CSMD2: variants seen among roughly 807,000 people sequenced by gnomAD.
CSMD2 encodes the protein CUB and sushi domain-containing protein 2.
In CSMD2, 130 loss-of-function variants were observed where a neutral mutation model predicts 398.5. The observed-to-expected ratio is 0.33, with a 90% CI of 0.28 to 0.38. The LOEUF (loss-of-function observed/expected upper bound fraction) is 0.38, where lower values mean the gene tolerates loss of function less well. Among genes scored for constraint, CSMD2 ranks in the 10% least tolerant of loss-of-function variants. The pLI is 1.00. For missense variants in CSMD2, 3,829 were observed against 4,764.9 expected (o/e 0.80, Z 5.78); for synonymous variants, 1,828 against 1,908.5 (o/e 0.96, Z 1.10).
At chr1:33,611,827 A>T (rs570224883) in intron 40 of CSMD2, among the ~76,000 whole-genome samples, 34 of 152,368 alleles carry the variant, frequency 2.2e-4, no homozygotes, top group African/African-American at 8.2e-4. Context: ...TTAAGTTCTT[A>T]ATGTACATAG....
chr1:33,832,271 T>C (rs1341173239), intron 6 of CSMD2, among the ~76,000 whole-genome samples: 1 of 151,994 alleles, frequency 6.6e-6, no homozygotes, highest in Non-Finnish European at 1.5e-5. Context: ...AGTAAAGCAC[T>C]CCTCAGCAAA....
At chr1:34,095,854 C>T (rs1029236669) in intron 1 of CSMD2, among the ~76,000 whole-genome samples, 1 of 151,732 alleles carries the variant, frequency 6.6e-6, no homozygotes, top group Non-Finnish European at 1.5e-5. Context: ...GGTACCATTC[C>T]TTCTGAAACT....
At chr1:34,023,270 C>T (rs1006755024) in intron 3 of CSMD2, among the ~76,000 whole-genome samples, 4 of 152,194 alleles carry the variant, frequency 2.6e-5, no homozygotes, top group Non-Finnish European at 4.4e-5. Flanking sequence ...CCCAAGAGGA[C>T]GGTTCTGAAG....
chr1:34,058,064 T>C (rs1654058422), intron 2 of CSMD2, among the ~76,000 whole-genome samples: 1 of 152,122 alleles, frequency 6.6e-6, no homozygotes, highest in South Asian at 2.1e-4. Context: ...CATAGTCACC[T>C]AGTTGGGACA....
At chr1:33,615,744 GA>G (rs1230814027) in intron 39 of CSMD2, among the ~76,000 whole-genome samples, 5 of 152,220 alleles carry the variant, frequency 3.3e-5, no homozygotes, top group Non-Finnish European at 5.9e-5. Flanking sequence ...TCTAATGGGG[GA>G]AAGTGCCTTG....
intron 57 of CSMD2, among the ~76,000 whole-genome samples, chr1:33,544,486 T>C (rs566129782): frequency 3.9e-4 from 59 of 152,246 alleles, no homozygotes; most frequent in Non-Finnish European, 7.1e-4. Context: ...GTCTAGTTTC[T>C]TTTAATGGAG....
intron 5 of CSMD2, among the ~76,000 whole-genome samples, chr1:33,896,844 A>C (rs1407768249): frequency 1.3e-5 from 2 of 152,066 alleles, no homozygotes; most frequent in Non-Finnish European, 2.9e-5. Context: ...AGATGTGTGG[A>C]TATCTCAGGG....
At chr1:34,149,684 G>A (rs953912700) in intron 1 of CSMD2, among the ~76,000 whole-genome samples, 4 of 152,170 alleles carry the variant, frequency 2.6e-5, no homozygotes, top group African/African-American at 9.7e-5. Flanking sequence ...GTGCCTTTGG[G>A]GCTGGTGCCT....
At chr1:33,955,750 CCAT>C (rs938022108) in intron 3 of CSMD2, among the ~76,000 whole-genome samples, 1 of 105,494 alleles carries the variant, frequency 9.5e-6, no homozygotes, top group Non-Finnish European at 2.2e-5. Context: ...ACCACCATCA[CCAT>C]CATCATCATC....
intron 2 of CSMD2, among the ~76,000 whole-genome samples, chr1:34,047,122 TA>T (rs1346744665): frequency 6.6e-6 from 1 of 152,132 alleles, no homozygotes; most frequent in Non-Finnish European, 1.5e-5. Context: ...CATAATGGTC[TA>T]AAGGCCCTAG....
chr1:33,737,337 G>A (rs1386432809), intron 15 of CSMD2, among the ~76,000 whole-genome samples: 1 of 152,238 alleles, frequency 6.6e-6, no homozygotes, highest in Non-Finnish European at 1.5e-5. Flanking sequence ...CACGGTTGGG[G>A]CAAGTTCCTG....
chr1:34,104,627 G>T (rs957714267), intron 1 of CSMD2, among the ~76,000 whole-genome samples: 2 of 152,162 alleles, frequency 1.3e-5, no homozygotes, highest in Non-Finnish European at 2.9e-5. Flanking sequence ...GCAGATGCTG[G>T]ATAAATCATC....
chr1:34,070,348 T>C (rs1655590336), intron 2 of CSMD2, among the ~76,000 whole-genome samples: 1 of 152,166 alleles, frequency 6.6e-6, no homozygotes, highest in Non-Finnish European at 1.5e-5. Context: ...ATGGGTCCTT[T>C]TTCTGGCTGA....
At chr1:33,659,837 G>C (rs1450858977) in intron 26 of CSMD2, among the ~76,000 whole-genome samples, 1 of 152,180 alleles carries the variant, frequency 6.6e-6, no homozygotes, top group Non-Finnish European at 1.5e-5. Context: ...TATGGCCCAC[G>C]GCCATATCTG....
At chr1:34,063,854 G>T (rs531170839) in intron 2 of CSMD2, among the ~76,000 whole-genome samples, 1 of 152,312 alleles carries the variant, frequency 6.6e-6, no homozygotes, top group Admixed American at 6.5e-5. Flanking sequence ...CTTTTGCCTG[G>T]GCATCCAGGC....
In CSMD2 at chr1:33,586,633, C is replaced by G; in HGVS notation, c.6938-16G>C. 6.6e-7 allele frequency: 1 copy of G among 1,519,884 alleles called. No homozygotes were observed. The highest frequency in any genetic ancestry group is 1.4e-5 in the African/African-American group (1 of 73,112). The allele number at this position is 1,519,884 out of a possible 1,614,324, so 94.1% of individuals were successfully genotyped here. On this transcript the variant is annotated splice_polypyrimidine_tract_variant and intron_variant, in intron 45 of 70. Coordinates refer to ENST00000373381, the MANE Select transcript of CSMD2 (RefSeq NM_001281956.2). ...ACGATGTCACCTGTCAAAGAAAGAC[C>G]AACATGTAGACCCTCTTAAGAAGTC...
chr1:33,823,685 G>C (rs1658440937), intron 7 of CSMD2, among the ~76,000 whole-genome samples: 1 of 152,188 alleles, frequency 6.6e-6, no homozygotes, highest in Non-Finnish European at 1.5e-5. Context: ...AATTTGGGCA[G>C]AACACAGGAG....
chr1:33,932,984 G>A (rs1031088690), intron 4 of CSMD2, among the ~76,000 whole-genome samples: 4 of 152,184 alleles, frequency 2.6e-5, no homozygotes, highest in Admixed American at 1.3e-4. Flanking sequence ...GGGGAACCTG[G>A]AGCCTGCCAA....
At chr1:34,123,045 TC>T (rs1558422297) in intron 1 of CSMD2, among the ~76,000 whole-genome samples, 3 of 152,196 alleles carry the variant, frequency 2.0e-5, no homozygotes, top group South Asian at 2.1e-4. Flanking sequence ...GCTATTTTTG[TC>T]TGTAGTTCCT....
Sources: allele counts gnomAD v4.1 joint callset (sites outside exome capture counted in the v4.1 genomes callset), GRCh38; gene constraint gnomAD v4.1.1; transcripts MANE v1.5; gene names NCBI Gene and HGNC (gene_info 2026-07-23, HGNC 2026-07-21).